PSMD1: variants seen among roughly 807,000 people sequenced by gnomAD.
PSMD1 encodes proteasome 26S subunit, non-ATPase 1.
PSMD1 carries 18 observed loss-of-function variants against 119.0 expected under a neutral mutation model. The ratio of observed to expected loss-of-function variants is 0.15; its 90% CI spans 0.10 to 0.22. The LOEUF is 0.22. Among genes scored for constraint, PSMD1 ranks in the 10% least tolerant of loss-of-function variants. PSMD1 has a pLI of 1.00. For synonymous variants in PSMD1, 374 were observed against 396.6 expected (o/e 0.94, Z 0.68); for missense variants, 702 against 1,158.5 (o/e 0.61, Z 5.72).
intron 16 of PSMD1, among the ~76,000 whole-genome samples, chr2:231,112,900 C>G (rs1016716178): frequency 6.6e-6 from 1 of 152,188 alleles, no homozygotes; most frequent in East Asian, 1.9e-4. Context: ...TGCAGTGACT[C>G]ACGCCTGTAA....
intron 16 of PSMD1, among the ~76,000 whole-genome samples, chr2:231,098,825 G>T (rs1694794186): frequency 6.6e-6 from 1 of 152,150 alleles, no homozygotes; most frequent in Non-Finnish European, 1.5e-5. Flanking sequence ...TAAAATTCTG[G>T]ATTTCTGAAC....
intron 16 of PSMD1, among the ~76,000 whole-genome samples, chr2:231,094,438 A>G (rs534380434): frequency 7.2e-5 from 11 of 152,312 alleles, no homozygotes; most frequent in Admixed American, 7.2e-4. Flanking sequence ...GCAATTGCTG[A>G]AGTCAAAGAA....
intron 19 of PSMD1, 78 bp downstream of exon 19, chr2:231,153,744 C>A: frequency 9.6e-7 from 1 of 1,043,888 alleles, no homozygotes; most frequent in Non-Finnish European, 1.4e-6. Context: ...AACTATATGA[C>A]ATAATGGAAA....
At chr2:231,158,685 A>T (rs1329090849) in intron 19 of PSMD1, among the ~76,000 whole-genome samples, 1 of 152,180 alleles carries the variant, frequency 6.6e-6, no homozygotes, top group East Asian at 1.9e-4. Context: ...ACTATGTCTT[A>T]GTGAAATGTT....
intron 4 of PSMD1, 32 bp downstream of exon 4, chr2:231,062,707 T>C: frequency 6.7e-7 from 1 of 1,484,882 alleles, no homozygotes; most frequent in South Asian, 1.5e-5. Flanking sequence ...AGGCTTTATC[T>C]TGTCGGCTTC....
chr2:231,063,142 A>T (rs1046706302), intron 4 of PSMD1, among the ~76,000 whole-genome samples: 1 of 152,170 alleles, frequency 6.6e-6, no homozygotes, highest in African/African-American at 2.4e-5. Context: ...ATAAAATTTA[A>T]AACCTGGTTT....
At chr2:231,067,178 T>G (rs901721855) in intron 5 of PSMD1, 67 bp downstream of exon 5, 20 of 1,263,920 alleles carry the variant, frequency 1.6e-5, no homozygotes, top group Admixed American at 5.9e-5. Flanking sequence ...TTATTCAAAC[T>G]GAAACTTTCA....
At chr2:231,148,244 T>C (rs899646004) in intron 18 of PSMD1, among the ~76,000 whole-genome samples, 1 of 152,224 alleles carries the variant, frequency 6.6e-6, no homozygotes, top group African/African-American at 2.4e-5. Context: ...CTGAGTAGTG[T>C]CATTAAAGAA....
chr2:231,168,321 G>A (rs950305234), intron 23 of PSMD1, among the ~76,000 whole-genome samples: 3 of 152,172 alleles, frequency 2.0e-5, no homozygotes, highest in African/African-American at 7.2e-5. Flanking sequence ...ATACCTAAGA[G>A]AAGAGAAAAC....
chr2:231,119,869 CA>C (rs78246469), intron 16 of PSMD1, among the ~76,000 whole-genome samples: 1,229 of 79,898 alleles, frequency 0.015, 10 homozygotes, highest in African/African-American at 0.043. Context: ...GACTCCGTCT[CA>C]AAAAAAAAAA....
At chr2:231,075,365 A>G (rs1449303262) in intron 7 of PSMD1, 146 bp from the exon 8 acceptor site, 1 of 602,224 alleles carries the variant, frequency 1.7e-6, no homozygotes, top group Non-Finnish European at 2.8e-6. Context: ...CATCTTAGAG[A>G]TGTGTAGAAT....
intron 16 of PSMD1, among the ~76,000 whole-genome samples, chr2:231,095,114 G>T (rs765289336): frequency 1.3e-5 from 2 of 152,202 alleles, no homozygotes; most frequent in Non-Finnish European, 2.9e-5. Context: ...ATGCGATTTA[G>T]TTGCCTCTGA....
At chr2:231,074,079 A>T (rs1048936382) in intron 7 of PSMD1, among the ~76,000 whole-genome samples, 9 of 151,820 alleles carry the variant, frequency 5.9e-5, no homozygotes, top group African/African-American at 1.7e-4. Flanking sequence ...AAAATCTTTA[A>T]TTTTTTTCAA....
At chr2:231,101,835 T>A (rs1694875155) in intron 16 of PSMD1, among the ~76,000 whole-genome samples, 1 of 152,194 alleles carries the variant, frequency 6.6e-6, no homozygotes, top group African/African-American at 2.4e-5. Context: ...GTTTGTTTTT[T>A]AAATACAGAG....
intron 19 of PSMD1, among the ~76,000 whole-genome samples, chr2:231,158,621 T>G (rs1003090046): frequency 2.0e-5 from 3 of 152,238 alleles, no homozygotes; most frequent in Admixed American, 6.5e-5. Context: ...GCACGTTAGC[T>G]AGGCATCGTT....
At chr2:231,123,936 C>T in intron 16 of PSMD1, 6 of 645,708 alleles carry the variant, frequency 9.3e-6, no homozygotes, top group African/African-American at 1.8e-5. Flanking sequence ...AGCGCATACA[C>T]ACATCTGTCC....
chr2:231,114,119 T>C (rs1272117792), intron 16 of PSMD1, among the ~76,000 whole-genome samples: 1 of 152,238 alleles, frequency 6.6e-6, no homozygotes, highest in East Asian at 1.9e-4. Flanking sequence ...ATGGTAACTT[T>C]TAAATACATT....
At chr2:231,058,520 CTTTT>C (rs35559920) in intron 1 of PSMD1, among the ~76,000 whole-genome samples, 1 of 142,652 alleles carries the variant, frequency 7.0e-6, no homozygotes, top group Non-Finnish European at 1.5e-5. Context: ...ATATACAAAC[CTTTT>C]TTTTTTTTTT....
intron 16 of PSMD1, among the ~76,000 whole-genome samples, chr2:231,087,652 T>C (rs1694485361): frequency 6.6e-6 from 1 of 152,134 alleles, no homozygotes; most frequent in African/African-American, 2.4e-5. Context: ...GGCAGTATGA[T>C]ATAGTTGTGT....
Sources: allele counts gnomAD v4.1 joint callset (sites outside exome capture counted in the v4.1 genomes callset), GRCh38; gene constraint gnomAD v4.1.1; transcripts MANE v1.5; gene names NCBI Gene and HGNC (gene_info 2026-07-23, HGNC 2026-07-21).